Variants in TMEM132D observed in about 807,000 individuals in gnomAD.
The protein encoded by TMEM132D is mature OL transmembrane protein.
TMEM132D carries 21 observed loss-of-function variants against 62.3 expected under a neutral mutation model. The ratio of observed to expected loss-of-function variants is 0.34; its 90% confidence interval spans 0.24 to 0.49. The LOEUF (loss-of-function observed/expected upper bound fraction) is 0.49, where lower values mean the gene tolerates loss of function less well. Among genes scored for constraint, TMEM132D ranks in the 20% least tolerant of loss-of-function variants. TMEM132D has a pLI of 0.99. For synonymous variants in TMEM132D, 621 were observed against 575.6 expected (o/e 1.08, Z -1.13); for missense variants, 1,346 against 1,402.8 (o/e 0.96, Z 0.65).
intron 3 of TMEM132D, among the ~76,000 whole-genome samples, chr12:129,433,741 A>G (rs1248979049): frequency 6.6e-6 from 1 of 152,154 alleles, no homozygotes; most frequent in East Asian, 1.9e-4. Flanking sequence ...GGCTGCCAGG[A>G]GGTGCTAAGG....
At chr12:129,275,004 A>T (rs548698472) in intron 4 of TMEM132D, among the ~76,000 whole-genome samples, 12 of 152,090 alleles carry the variant, frequency 7.9e-5, no homozygotes, top group African/African-American at 2.7e-4. Context: ...CATTGGCCAG[A>T]TACAGTGGCT....
chr12:129,771,611 A>C (rs1870752475), intron 1 of TMEM132D, among the ~76,000 whole-genome samples: 1 of 152,156 alleles, frequency 6.6e-6, no homozygotes, highest in South Asian at 2.1e-4. Context: ...TTGTTCCTTA[A>C]CACCAAGAAT....
Position 129,766,623 on chromosome 12 carries a change from G to A in TMEM132D, c.80-65925C>T, listed in dbSNP as rs563441272. On this transcript the variant is annotated intron_variant, in intron 1 of 8. Transcript: ENST00000422113. ...GAGCTATCTTCCCTGTATCAACACA[G>A]GGAGATAATGCTTGTCTCCAGTGGC... 4.4e-4 allele frequency among the ~76,000 whole-genome samples: 67 copies of A among 152,230 alleles called. No homozygotes were observed. In the East Asian group the frequency reaches 5.0e-3, roughly 11 times the overall value.
intron 4 of TMEM132D, among the ~76,000 whole-genome samples, chr12:129,211,570 A>G (rs1352776878): frequency 6.6e-6 from 1 of 152,222 alleles, no homozygotes; most frequent in Non-Finnish European, 1.5e-5. Flanking sequence ...ACTATTTCTT[A>G]GATAAGATCT....
intron 3 of TMEM132D, among the ~76,000 whole-genome samples, chr12:129,345,503 T>C (rs1425217446): frequency 6.6e-6 from 1 of 152,232 alleles, no homozygotes; most frequent in African/African-American, 2.4e-5. Context: ...TACTGGTATT[T>C]GGCTTCAGTA....
At chr12:129,531,007 C>T (rs140412638) in intron 3 of TMEM132D, 52 bp downstream of exon 3, 1 of 999,116 alleles carries the variant, frequency 1.0e-6, no homozygotes, top group Admixed American at 3.4e-5. Flanking sequence ...AAAAAAAAAT[C>T]AGGCCACATT....
At chr12:129,791,279 T>C (rs971487342) in intron 1 of TMEM132D, among the ~76,000 whole-genome samples, 1 of 152,070 alleles carries the variant, frequency 6.6e-6, no homozygotes, top group Non-Finnish European at 1.5e-5. Context: ...GGCCTGAAAA[T>C]ATATTGGTCA....
chr12:129,397,805 C>G (rs1464395), intron 3 of TMEM132D, among the ~76,000 whole-genome samples: 6,692 of 152,212 alleles, frequency 0.044, 564 homozygotes, highest in East Asian at 0.37. Flanking sequence ...AGCATTCACA[C>G]CTGCACTGGC....
At chr12:129,573,544 G>C (rs749190709) in intron 2 of TMEM132D, among the ~76,000 whole-genome samples, 1 of 152,114 alleles carries the variant, frequency 6.6e-6, no homozygotes, top group Non-Finnish European at 1.5e-5. Flanking sequence ...AGATCTCTCT[G>C]AAACAAATTC....
intron 3 of TMEM132D, among the ~76,000 whole-genome samples, chr12:129,471,209 C>CTTTTT (rs3046077): frequency 1.2e-4 from 17 of 145,830 alleles, no homozygotes; most frequent in African/African-American, 2.0e-4. Context: ...GTAGATATTA[C>CTTTTT]TTTTTTTTTT....
chr12:129,848,275 C>T (rs951367395), intron 1 of TMEM132D, among the ~76,000 whole-genome samples: 4 of 152,122 alleles, frequency 2.6e-5, no homozygotes, highest in Non-Finnish European at 5.9e-5. Context: ...TAGAAATCAC[C>T]ACAGCGATTC....
intron 4 of TMEM132D, among the ~76,000 whole-genome samples, chr12:129,225,703 A>G (rs997292498): frequency 2.4e-4 from 36 of 152,218 alleles, no homozygotes; most frequent in African/African-American, 8.7e-4. Flanking sequence ...GTATCCTAAC[A>G]TATGCAATGA....
intron 2 of TMEM132D, among the ~76,000 whole-genome samples, chr12:129,646,490 G>C (rs1879781468): frequency 6.6e-6 from 1 of 152,080 alleles, no homozygotes; most frequent in African/African-American, 2.4e-5. Context: ...AGGGACAAAG[G>C]CTTTTGTATT....
At chr12:129,250,814 C>G (rs887033357) in intron 4 of TMEM132D, among the ~76,000 whole-genome samples, 6 of 152,136 alleles carry the variant, frequency 3.9e-5, no homozygotes, top group African/African-American at 9.7e-5. Flanking sequence ...TATCCATGCT[C>G]ATGAAGTGGG....
intron 1 of TMEM132D, among the ~76,000 whole-genome samples, chr12:129,710,807 C>T (rs1158757500): frequency 6.6e-6 from 1 of 152,152 alleles, no homozygotes; most frequent in Non-Finnish European, 1.5e-5. Flanking sequence ...GGTATTCTTC[C>T]CTTCCGCCGC....
intron 5 of TMEM132D, among the ~76,000 whole-genome samples, chr12:129,188,302 C>A (rs1878275522): frequency 6.6e-6 from 1 of 152,182 alleles, no homozygotes; most frequent in Non-Finnish European, 1.5e-5. Flanking sequence ...GGGGCCCAGT[C>A]ACCTCTCGAC....
At chr12:129,142,784 G>T (rs182633061) in intron 5 of TMEM132D, among the ~76,000 whole-genome samples, 1 of 152,120 alleles carries the variant, frequency 6.6e-6, no homozygotes, top group East Asian at 1.9e-4. Context: ...TTGTTCTCTG[G>T]TCATAGATAT....
intron 1 of TMEM132D, among the ~76,000 whole-genome samples, chr12:129,861,759 A>AAC (rs1873907824): frequency 6.6e-6 from 1 of 150,580 alleles, no homozygotes; most frequent in Non-Finnish European, 1.5e-5. Context: ...GTCTCAAAGA[A>AAC]AAAAAAAAAA....
chr12:129,327,389 A>T (rs955829508), intron 4 of TMEM132D, among the ~76,000 whole-genome samples: 1 of 152,346 alleles, frequency 6.6e-6, no homozygotes, highest in African/African-American at 2.4e-5. Flanking sequence ...GATACTGTCT[A>T]ACCTGATAGC....
Sources: allele counts gnomAD v4.1 joint callset (sites outside exome capture counted in the v4.1 genomes callset), GRCh38; gene constraint gnomAD v4.1.1; transcripts MANE v1.5; gene names NCBI Gene and HGNC (gene_info 2026-07-23, HGNC 2026-07-21).